CDC16: variants seen among roughly 807,000 people sequenced by gnomAD.
CDC16 encodes the protein cell division cycle 16, also known as cell division cycle protein 16 homolog.
Under a neutral mutation model 87.0 loss-of-function variants are expected in CDC16, and 34 were observed. The ratio of observed to expected loss-of-function variants is 0.39; its 90% CI spans 0.30 to 0.52. The LOEUF is 0.52. CDC16 is among the 20% of genes least tolerant of loss of function. CDC16 has a pLI of 0.74. For synonymous variants in CDC16, 263 were observed against 260.6 expected, an observed-to-expected ratio of 1.01 and a Z score of -0.09; for missense variants, 653 against 751.9, an observed-to-expected ratio of 0.87 and a Z score of 1.54.
chr13:114,234,953 G>C lies in CDC16; in HGVS notation c.-132G>C. 1 of 581,804 alleles carries C rather than the reference G, an allele frequency of 1.7e-6. No individual in the cohort carries two copies. Among genetic ancestry groups the C allele is most frequent in the Non-Finnish European group, 2.5e-6 (1 of 394,968 alleles). The allele number at this position is 581,804 out of a possible 1,614,324, so 36.0% of individuals were successfully genotyped here. ...GTGGGTGGGGACCTGCGGCCTTCGA[G>C]TCCGCGGCCTTCGAGTCCTGGGGCG... On this transcript the variant is annotated 5_prime_UTR_variant, in exon 1 of 18. Coordinates refer to ENST00000356221, the MANE Select transcript of CDC16 (RefSeq NM_001078645.3).
intron 15 of CDC16, 103 bp from the exon 16 acceptor site, chr13:114,262,776 C>T (rs2082933455): frequency 8.9e-7 from 1 of 1,125,754 alleles, no homozygotes; most frequent in Non-Finnish European, 1.3e-6. Flanking sequence ...CTGCTGTTCT[C>T]ATTGAGACAG....
intron 17 of CDC16, among the ~76,000 whole-genome samples, chr13:114,269,425 G>A (rs2083460780): frequency 6.6e-6 from 1 of 152,152 alleles, no homozygotes; most frequent in African/African-American, 2.4e-5. Context: ...ATTCATTGGG[G>A]TGGGTATTAG....
chr13:114,248,228 T>C (rs1001281751), intron 11 of CDC16, among the ~76,000 whole-genome samples: 2 of 152,250 alleles, frequency 1.3e-5, no homozygotes, highest in East Asian at 1.9e-4. Context: ...GTAAATGTTC[T>C]AATTTCTGTG....
rs1471474482 is a variant in CDC16 at position 114,244,918 on chromosome 13, A to G, written c.796A>G (p.Ser266Gly). The G allele has an allele frequency of 1.9e-6, 3 of 1,611,688 alleles. 1 individual carries two copies. Among genetic ancestry groups the G allele is most frequent in the East Asian group, 4.5e-5 (2 of 44,752 alleles). The change falls in exon 9 of 18, where the codon AGT becomes GGT. Residue 266 changes from serine to glycine, a missense_variant. Ser to Gly is a moderately conservative substitution (Grantham distance 56). Coordinates refer to ENST00000356221, the MANE Select transcript of CDC16 (RefSeq NM_001078645.3). ...VVMEKDPFHA[S>G]CLPVHIGTLV... ...AATGGAGAAAGATCCTTTCCATGCA[A>G]GTTGTTTACCTGTACATATAGGGAC...
rs373180289 is a variant in CDC16, at chr13:114,234,950, C to A, written c.-135C>A. 6 of 549,506 alleles carry A rather than the reference C, an allele frequency of 1.1e-5. No individual in the cohort carries two copies. The South Asian group carries it at 3.8e-4, about 35-fold the overall frequency. The allele number at this position is 549,506 out of a possible 1,614,324, so 34.0% of individuals were successfully genotyped here. A position where few individuals can be genotyped will look rare whatever the true frequency, so the allele number is the denominator to read the frequency against. ...GGTGTGGGTGGGGACCTGCGGCCTT[C>A]GAGTCCGCGGCCTTCGAGTCCTGGG... is the stretch of plus-strand genomic sequence containing the variant. On this transcript the variant is annotated 5_prime_UTR_variant, in exon 1 of 18. Coordinates refer to ENST00000356221, the MANE Select transcript of CDC16 (RefSeq NM_001078645.3).
chr13:114,265,811 T>C (rs2139164771), intron 17 of CDC16, among the ~76,000 whole-genome samples: 1 of 138,962 alleles, frequency 7.2e-6, no homozygotes, highest in East Asian at 2.0e-4. Flanking sequence ...CCGTTCCTAC[T>C]AAAGTAATTT....
rs576572415 is a variant in CDC16 at position 114,253,942 on chromosome 13, C to T, written c.1098-3136C>T. On this transcript the variant is annotated intron_variant, in intron 12 of 17. Transcript: ENST00000356221. ...AATTGTGTATTTCTCCCTCCAATTCCGGCACATTTCACTTCATATATTCTG... is the reference window on the plus strand; with the variant it reads ...AATTGTGTATTTCTCCCTCCAATTCTGGCACATTTCACTTCATATATTCTG... 1.6e-3 allele frequency among the ~76,000 whole-genome samples: 236 copies of T among 152,130 alleles called. 1 individual carries two copies. Among genetic ancestry groups the T allele is most frequent in the Middle Eastern group, 3.4e-3 (1 of 294 alleles).
chr13:114,264,153 G>C (rs1487273448), intron 16 of CDC16: 1 of 152,188 alleles, frequency 6.6e-6, no homozygotes, highest in Non-Finnish European at 1.5e-5. Flanking sequence ...CACTGAGTTT[G>C]TCAGAAGTTT....
intron 3 of CDC16, among the ~76,000 whole-genome samples, 163 bp downstream of exon 3, chr13:114,237,059 C>T (rs17291006): frequency 0.059 from 9,012 of 151,972 alleles, 330 homozygotes; most frequent in African/African-American, 0.096. Flanking sequence ...ACCCCATCTC[C>T]GCTAAAAATA....
At position 114,257,171 on chromosome 13, in the gene CDC16, T is replaced by G. The variant is rs1303723890; in HGVS notation, c.1191T>G (p.Ile397Met). 3 of 1,613,522 alleles carry G rather than the reference T, an allele frequency of 1.9e-6. No homozygotes were observed. The African/African-American group carries it at 4.0e-5, about 22-fold the overall frequency. ...AERFFSQALSIAPEDPFVMHE... is the reference protein window; with the variant it reads ...AERFFSQALSMAPEDPFVMHE... ...GGTTCTTCAGCCAAGCTCTGAGCATTGCACCGGAAGACCCTTTTGTTATGC... is the reference window on the plus strand; with the variant it reads ...GGTTCTTCAGCCAAGCTCTGAGCATGGCACCGGAAGACCCTTTTGTTATGC... Residue 397 changes from isoleucine (I) to methionine (M), a missense_variant, in exon 13 of 18, where the codon ATT becomes ATG. By Grantham distance (10) the Ile-to-Met change is conservative. Transcript: ENST00000356221.
chr13:114,243,827 G>T, intron 7 of CDC16, 29 bp from the exon 8 acceptor site: 1 of 1,581,866 alleles, frequency 6.3e-7, no homozygotes, highest in Non-Finnish European at 8.6e-7. Flanking sequence ...TGCTCATTGA[G>T]TTTATGTTTA....
chr13:114,243,713 T>C lies in CDC16; in HGVS notation c.634-143T>C, dbSNP rs17337961. 2.9e-3 allele frequency: 1,800 copies of C among 621,496 alleles called. 21 individuals are homozygous for C. In the African/African-American group the frequency reaches 0.029, roughly 10 times the overall value. The allele number at this position is 621,496 out of a possible 1,614,324, so 38.5% of individuals were successfully genotyped here. ...TTAAACTTACTGAGAGGAGTACTTA[T>C]AAAACCTAAAGTTATAAGTTTTCAG... On this transcript the variant is annotated intron_variant, in intron 7 of 17. Transcript: ENST00000356221.
intron 11 of CDC16, among the ~76,000 whole-genome samples, chr13:114,250,003 T>C (rs2082078624): frequency 6.6e-6 from 1 of 152,130 alleles, no homozygotes. Context: ...TTTGAGGCCA[T>C]CTCCTTATAT....
intron 12 of CDC16, among the ~76,000 whole-genome samples, chr13:114,252,953 G>C (rs1049742971): frequency 6.6e-6 from 1 of 152,064 alleles, no homozygotes; most frequent in Non-Finnish European, 1.5e-5. Flanking sequence ...TGGCAACATA[G>C]TGAGACCTTA....
intron 5 of CDC16, among the ~76,000 whole-genome samples, chr13:114,241,323 C>G (rs111410009): frequency 6.6e-6 from 1 of 152,140 alleles, no homozygotes; most frequent in African/African-American, 2.4e-5. Context: ...ATCACTTGTC[C>G]GAGGTTACAA....
chr13:114,251,278 G>C (rs2082160033), intron 12 of CDC16, among the ~76,000 whole-genome samples: 1 of 152,108 alleles, frequency 6.6e-6, no homozygotes, highest in Non-Finnish European at 1.5e-5. Flanking sequence ...CATACCTCCT[G>C]GACTCTTCCT....
At chr13:114,272,041 T>C (rs2139248346) in intron 17 of CDC16, 143 bp from the exon 18 acceptor site, 1 of 539,522 alleles carries the variant, frequency 1.9e-6, no homozygotes, top group East Asian at 3.1e-5. Context: ...TGTATAATGA[T>C]GGAAATGATA....
Position 114,257,059 on chromosome 13 carries a change from A to G in CDC16, c.1098-19A>G, listed in dbSNP as rs1269197648. The stretch of plus-strand genomic sequence containing the variant: ...CACAGTTTTTGGTGTTGAATATGTG[A>G]AATTTTCCAATTTTTTAGGTGTCAT... On this transcript the variant is annotated intron_variant, in intron 12 of 17. Coordinates refer to ENST00000356221, the MANE Select transcript of CDC16 (RefSeq NM_001078645.3). 8 of 1,512,464 alleles carry G rather than the reference A, an allele frequency of 5.3e-6. No homozygotes were observed. The highest frequency in any genetic ancestry group is 1.3e-5 in the South Asian group (1 of 79,350). 93.7% of individuals were successfully genotyped at this position (1,512,464 alleles called of 1,614,324 possible).
intron 14 of CDC16, among the ~76,000 whole-genome samples, chr13:114,259,904 C>A (rs1407210461): frequency 6.6e-6 from 1 of 152,172 alleles, no homozygotes; most frequent in East Asian, 1.9e-4. Context: ...AAATATTTGA[C>A]TGCTTCTGTT....
Sources: allele counts gnomAD v4.1 joint callset (sites outside exome capture counted in the v4.1 genomes callset), GRCh38; gene constraint gnomAD v4.1.1; transcripts MANE v1.5; gene names NCBI Gene and HGNC (gene_info 2026-07-23, HGNC 2026-07-21).